Variants in LAMA2 observed in about 807,000 individuals in gnomAD.
LAMA2 encodes laminin subunit alpha-2.
LAMA2 carries 269 observed loss-of-function variants against 364.8 expected under a neutral mutation model. The observed-to-expected ratio is 0.74, with a 90% CI of 0.67 to 0.82. LAMA2 has a LOEUF of 0.82. Among genes scored for constraint, LAMA2 ranks in the 40% least tolerant of loss-of-function variants. LAMA2 has a pLI of 0.00. For synonymous variants in LAMA2, 1,379 were observed against 1,370.6 expected (o/e 1.01, Z -0.14); for missense variants, 3,807 against 3,873.2 (o/e 0.98, Z 0.45).
intron 1 of LAMA2, among the ~76,000 whole-genome samples, chr6:129,044,950 A>G (rs2114762420): frequency 6.6e-6 from 1 of 152,280 alleles, no homozygotes; most frequent in South Asian, 2.1e-4. Context: ...GAATGGGAAT[A>G]AGTAGGCACA....
intron 42 of LAMA2, among the ~76,000 whole-genome samples, chr6:129,440,467 A>G (rs1782050922): frequency 1.3e-5 from 2 of 152,264 alleles, no homozygotes; most frequent in Admixed American, 6.5e-5. Context: ...TGCTTTGGAA[A>G]TGCAGATTAA....
intron 58 of LAMA2, among the ~76,000 whole-genome samples, chr6:129,496,457 C>T (rs868616479): frequency 4.6e-5 from 7 of 152,132 alleles, no homozygotes; most frequent in East Asian, 1.9e-4. Flanking sequence ...TGAGACACTG[C>T]GCCCGGCCTA....
intron 12 of LAMA2, among the ~76,000 whole-genome samples, chr6:129,246,664 CAGAG>C (rs1231842221): frequency 2.0e-5 from 3 of 152,062 alleles, no homozygotes; most frequent in Non-Finnish European, 4.4e-5. Context: ...AAACTGAAGT[CAGAG>C]AGATGAATTC....
intron 32 of LAMA2, among the ~76,000 whole-genome samples, chr6:129,365,371 T>C (rs1351493922): frequency 6.6e-6 from 1 of 152,186 alleles, no homozygotes; most frequent in Non-Finnish European, 1.5e-5. Flanking sequence ...CTTTTTATTT[T>C]ATTTTTTGGG....
intron 12 of LAMA2, among the ~76,000 whole-genome samples, chr6:129,219,577 C>A (rs1425578440): frequency 6.7e-6 from 1 of 149,230 alleles, no homozygotes; most frequent in Non-Finnish European, 1.5e-5. Context: ...GGAACCAACC[C>A]AAATGTCCAA....
intron 1 of LAMA2, among the ~76,000 whole-genome samples, chr6:128,968,855 C>T (rs1201168358): frequency 6.6e-6 from 1 of 152,080 alleles, no homozygotes; most frequent in East Asian, 1.9e-4. Flanking sequence ...GGACCTTGTG[C>T]TTCGTTTGAA....
chr6:129,357,708 T>C (rs1777225484), intron 32 of LAMA2, among the ~76,000 whole-genome samples: 1 of 151,984 alleles, frequency 6.6e-6, no homozygotes, highest in Admixed American at 6.6e-5. Context: ...AGAGATATAA[T>C]CAACATTGTC....
chr6:128,912,847 G>A (rs1778067849), intron 1 of LAMA2, among the ~76,000 whole-genome samples: 1 of 152,176 alleles, frequency 6.6e-6, no homozygotes, highest in African/African-American at 2.4e-5. Flanking sequence ...GTTTCACAGA[G>A]GAGTTGGAAT....
At chr6:129,302,837 G>A (rs547301836) in intron 22 of LAMA2, among the ~76,000 whole-genome samples, 81 of 152,148 alleles carry the variant, frequency 5.3e-4, no homozygotes, top group African/African-American at 1.6e-3. Flanking sequence ...GTTAATACTA[G>A]TTAATATGTT....
intron 12 of LAMA2, among the ~76,000 whole-genome samples, chr6:129,209,269 A>G (rs909816275): frequency 1.3e-5 from 2 of 152,234 alleles, no homozygotes; most frequent in African/African-American, 4.8e-5. Context: ...GTTAATATCT[A>G]ATCTTAAGTC....
intron 58 of LAMA2, among the ~76,000 whole-genome samples, chr6:129,497,841 G>C (rs1055870794): frequency 6.6e-6 from 1 of 152,190 alleles, no homozygotes; most frequent in Non-Finnish European, 1.5e-5. Flanking sequence ...AGATTAAAGA[G>C]CATTTCATGC....
intron 51 of LAMA2, among the ~76,000 whole-genome samples, chr6:129,470,251 G>A (rs374137507): frequency 6.6e-6 from 1 of 151,792 alleles, no homozygotes; most frequent in African/African-American, 2.4e-5. Flanking sequence ...ACAAAAAAAA[G>A]TAAGTTAAGT....
intron 29 of LAMA2, among the ~76,000 whole-genome samples, chr6:129,338,902 G>A (rs549139178): frequency 1.3e-5 from 2 of 148,440 alleles, no homozygotes; most frequent in East Asian, 2.1e-4. Context: ...ATGTGGCTAC[G>A]GCATTATATG....
Position 128,952,325 on chromosome 6 carries a change from C to T in LAMA2, c.112+68968C>T, listed in dbSNP as rs150697803. ...GAAAATTCAGTTAAGTGGTCTAGTG[C>T]TTGTGGTAATCTGGATGTTAGCTAA... On this transcript the variant is annotated intron_variant, in intron 1 of 64. Coordinates refer to ENST00000421865, the MANE Select transcript of LAMA2 (RefSeq NM_000426.4). Among the ~76,000 whole-genome samples the T allele has an allele frequency of 2.3e-3, 353 of 152,200 alleles. 2 individuals are homozygous for T. The highest frequency in any genetic ancestry group is 8.1e-3 in the African/African-American group (336 of 41,534).
chr6:129,475,464 G>A, intron 53 of LAMA2, 63 bp downstream of exon 53: 2 of 1,268,970 alleles, frequency 1.6e-6, no homozygotes, highest in Non-Finnish European at 1.1e-6. Flanking sequence ...TGGCTTCTTA[G>A]ATAAAGCAGC....
chr6:129,318,477 T>A (rs1405218440), intron 27 of LAMA2, among the ~76,000 whole-genome samples: 1 of 152,218 alleles, frequency 6.6e-6, no homozygotes, highest in Non-Finnish European at 1.5e-5. Flanking sequence ...TCACTTGATT[T>A]GTAAACACTT....
chr6:129,139,809 CAT>C (rs1489441486), intron 4 of LAMA2, among the ~76,000 whole-genome samples: 1 of 152,090 alleles, frequency 6.6e-6, no homozygotes, highest in Non-Finnish European at 1.5e-5. Flanking sequence ...TCAAGCTACA[CAT>C]ATGGATTTAC....
At chr6:129,491,167 C>A (rs1244274003) in intron 56 of LAMA2, 1 of 152,340 alleles carries the variant, frequency 6.6e-6, no homozygotes, top group Non-Finnish European at 1.5e-5. Flanking sequence ...AAGACCGAAA[C>A]TCAAAACTTG....
intron 12 of LAMA2, among the ~76,000 whole-genome samples, chr6:129,241,662 G>A (rs140660902): frequency 1.3e-5 from 2 of 152,224 alleles, no homozygotes; most frequent in East Asian, 3.9e-4. Flanking sequence ...CTCCAGAAAT[G>A]AGCTTAATTT....
Sources: allele counts gnomAD v4.1 joint callset (sites outside exome capture counted in the v4.1 genomes callset), GRCh38; gene constraint gnomAD v4.1.1; transcripts MANE v1.5; gene names NCBI Gene and HGNC (gene_info 2026-07-23, HGNC 2026-07-21).